Variants in DRC11 observed in about 807,000 individuals in gnomAD.
DRC11 encodes IQ and AAA domain-containing protein 1.
chr2:236,357,369 T>C, the DRC11 span, among the ~76,000 whole-genome samples: 9 of 115,240 alleles, frequency 7.8e-5, no homozygotes, highest in Admixed American at 1.9e-4. Flanking sequence ...ATATTATAAA[T>C]ATATTTATAT....
the DRC11 span, among the ~76,000 whole-genome samples, chr2:236,389,742 G>T: frequency 3.9e-5 from 6 of 152,038 alleles, no homozygotes; most frequent in Non-Finnish European, 8.8e-5. Context: ...TTTTTTCTTT[G>T]ACTCAATGGT....
At chr2:236,347,508 CTATATATA>C in the DRC11 span, among the ~76,000 whole-genome samples, 4 of 107,494 alleles carry the variant, frequency 3.7e-5, 1 homozygote, top group Non-Finnish European at 8.6e-5. Flanking sequence ...AAAAACTGTG[CTATATATA>C]TATATATATA....
At chr2:236,356,719 C>T in the DRC11 span, among the ~76,000 whole-genome samples, 1 of 151,922 alleles carries the variant, frequency 6.6e-6, no homozygotes, top group South Asian at 2.1e-4. Flanking sequence ...TCAGAAAAAG[C>T]CCTTCCCGCT....
the DRC11 span, among the ~76,000 whole-genome samples, chr2:236,505,512 G>A: frequency 4.7e-4 from 71 of 152,002 alleles, 1 homozygote; most frequent in Non-Finnish European, 9.4e-4. Context: ...CTGTGGGGCT[G>A]GGTCAAGGGG....
At chr2:236,363,634 A>G in the DRC11 span, 2 of 677,804 alleles carry the variant, frequency 3.0e-6, no homozygotes, top group Non-Finnish European at 5.1e-6. This position sits in a 1 kb window ranked among gnomAD's most constrained non-coding sequence, Gnocchi z 5.6. Context: ...GTTTGGCCAT[A>G]CGCAATAATG....
At chr2:236,416,721 T>TTATATATATA in the DRC11 span, among the ~76,000 whole-genome samples, 18 of 64,232 alleles carry the variant, frequency 2.8e-4, no homozygotes, top group East Asian at 1.0e-3. Context: ...ATATATATAT[T>TTATATATATA]TATATATATA....
the DRC11 span, among the ~76,000 whole-genome samples, chr2:236,456,156 C>T: frequency 2.0e-5 from 3 of 152,156 alleles, no homozygotes; most frequent in African/African-American, 7.2e-5. The surrounding 1 kb of genome is among the most constrained non-coding windows in gnomAD (Gnocchi z 5.4). Context: ...TGATGGACTT[C>T]CTATAGGTTT....
At chr2:236,397,447 T>C in the DRC11 span, among the ~76,000 whole-genome samples, 5 of 152,144 alleles carry the variant, frequency 3.3e-5, no homozygotes, top group African/African-American at 9.7e-5. This position sits in a 1 kb window ranked among gnomAD's most constrained non-coding sequence, Gnocchi z 5.0. Context: ...TCTTGGGACA[T>C]CCTAGAGAAT....
the DRC11 span, among the ~76,000 whole-genome samples, chr2:236,434,812 C>T: frequency 6.6e-6 from 1 of 152,150 alleles, no homozygotes; most frequent in Non-Finnish European, 1.5e-5. This position sits in a 1 kb window ranked among gnomAD's most constrained non-coding sequence, Gnocchi z 5.5. Flanking sequence ...TCTAACTGAA[C>T]ATAAAATGTG....
the DRC11 span, among the ~76,000 whole-genome samples, chr2:236,414,524 C>T: frequency 6.6e-6 from 1 of 152,106 alleles, no homozygotes; most frequent in African/African-American, 2.4e-5. Flanking sequence ...TGGGGTCTCG[C>T]TGTGTTGCCC....
the DRC11 span, among the ~76,000 whole-genome samples, chr2:236,474,728 C>T: frequency 6.6e-6 from 1 of 152,044 alleles, no homozygotes; most frequent in Non-Finnish European, 1.5e-5. Context: ...CATGTACCTA[C>T]CTATCCATAT....
At chr2:236,485,827 G>A in the DRC11 span, among the ~76,000 whole-genome samples, 42 of 152,158 alleles carry the variant, frequency 2.8e-4, no homozygotes, top group Non-Finnish European at 5.4e-4. Flanking sequence ...GGAGGGGCTC[G>A]GGCAGAGGAG....
the DRC11 span, among the ~76,000 whole-genome samples, chr2:236,384,735 C>T: frequency 1.3e-5 from 2 of 151,224 alleles, no homozygotes; most frequent in Non-Finnish European, 3.0e-5. Context: ...AGTCCTTGCC[C>T]ATGCCTATGT....
chr2:236,465,517 A>T, the DRC11 span: 5 of 1,613,924 alleles, frequency 3.1e-6, no homozygotes, highest in South Asian at 5.5e-5. This position sits in a 1 kb window ranked among gnomAD's most constrained non-coding sequence, Gnocchi z 6.2. Flanking sequence ...GCATTCGATG[A>T]ACCAATGCCG....
chr2:236,448,983 G>A, the DRC11 span, among the ~76,000 whole-genome samples: 9 of 151,732 alleles, frequency 5.9e-5, no homozygotes, highest in East Asian at 7.8e-4. This position sits in a 1 kb window ranked among gnomAD's most constrained non-coding sequence, Gnocchi z 5.3. Context: ...CCTCAGCCTC[G>A]CGAGTAGCTG....
the DRC11 span, among the ~76,000 whole-genome samples, chr2:236,342,423 A>G: frequency 6.6e-6 from 1 of 152,154 alleles, no homozygotes; most frequent in Non-Finnish European, 1.5e-5. The surrounding 1 kb of genome is among the most constrained non-coding windows in gnomAD (Gnocchi z 5.8). Flanking sequence ...CACCTTCAGA[A>G]TGTGGACGTC....
At chr2:236,465,746 T>C in the DRC11 span, 1 of 1,333,148 alleles carries the variant, frequency 7.5e-7, no homozygotes, top group East Asian at 2.3e-5. The surrounding 1 kb of genome is among the most constrained non-coding windows in gnomAD (Gnocchi z 6.2). Context: ...TTTGAGGTCA[T>C]AAAAGTTACA....
chr2:236,495,411 G>A, the DRC11 span, among the ~76,000 whole-genome samples: 1 of 152,226 alleles, frequency 6.6e-6, no homozygotes, highest in African/African-American at 2.4e-5. This position sits in a 1 kb window ranked among gnomAD's most constrained non-coding sequence, Gnocchi z 5.6. Flanking sequence ...GAGAAGCAAA[G>A]AGAGATATTG....
At chr2:236,368,303 T>C in the DRC11 span, 3 of 1,557,094 alleles carry the variant, frequency 1.9e-6, no homozygotes, top group African/African-American at 4.1e-5. Flanking sequence ...TGTACTCACC[T>C]GGAGAGAAAA....
Sources: gnomAD v4.1 joint callset for allele counts (sites outside exome capture counted in the v4.1 genomes callset) on GRCh38, gnomAD v4.1.1 for gene constraint, Gnocchi (gnomAD v3.1) non-coding constraint, MANE v1.5 for transcripts, NCBI Gene and HGNC (gene_info 2026-07-23, HGNC 2026-07-21) for gene names.